The following TDP2 variants were observed in gnomAD, a reference collection of about 807,000 sequenced individuals.
TDP2 encodes the protein 5'-Tyr-DNA phosphodiesterase.
In TDP2, 38 loss-of-function variants were observed where a neutral mutation model predicts 42.8. The observed-to-expected ratio is 0.89, with a 90% CI of 0.68 to 1.16. TDP2 has a LOEUF of 1.16. Among genes scored for constraint, TDP2 ranks in the 50% most tolerant of loss-of-function variants. The pLI is 0.00. For missense variants in TDP2, 439 were observed against 439.3 expected, an observed-to-expected ratio of 1.00 and a Z score of 0.01; for synonymous variants, 173 against 150.6, an observed-to-expected ratio of 1.15 and a Z score of -1.09.
intron 6 of TDP2, 25 bp from the exon 7 acceptor site, chr6:24,651,094 A>C: frequency 6.4e-7 from 1 of 1,569,052 alleles, no homozygotes. Context: ...AATACTCTCT[A>C]AGATACACAT....
intron 2 of TDP2, among the ~76,000 whole-genome samples, chr6:24,660,726 A>G (rs2127618299): frequency 6.6e-6 from 1 of 152,324 alleles, no homozygotes; most frequent in Non-Finnish European, 1.5e-5. Flanking sequence ...GTCCTAATCT[A>G]GGATCACATG....
Position 24,666,863 on chromosome 6 carries a change from C to G in TDP2, c.-1G>C. 1 of 1,613,514 alleles carries G rather than the reference C, an allele frequency of 6.2e-7. No homozygotes were observed. On this transcript the variant is annotated 5_prime_UTR_variant, in exon 1 of 7. Coordinates refer to ENST00000378198, the MANE Select transcript of TDP2 (RefSeq NM_016614.3). Reference sequence around the variant, plus strand: ...CCTCCAGGCAACTCCCCAACTCCATCTTCCTGCCGCCTCTGCACCGCCCCT... The same window carrying G: ...CCTCCAGGCAACTCCCCAACTCCATGTTCCTGCCGCCTCTGCACCGCCCCT...
chr6:24,662,100 A>G lies in TDP2; in HGVS notation c.252-3366T>C, dbSNP rs150341875. On this transcript the variant is annotated intron_variant, in intron 2 of 6. Coordinates refer to ENST00000378198, the MANE Select transcript of TDP2 (RefSeq NM_016614.3). ...CCAGTCTCGAGTACCCAGGGACACA[A>G]TGCACTGCGGAAGGCCACATGGACC... Among the ~76,000 whole-genome samples, 947 of 152,244 alleles carry G rather than the reference A, an allele frequency of 6.2e-3. 5 individuals carry two copies. Among genetic ancestry groups the G allele is most frequent in the Middle Eastern group, 0.044 (13 of 294 alleles).
chr6:24,651,140 A>AG (rs1777968861), intron 6 of TDP2, 71 bp from the exon 7 acceptor site: 2 of 1,257,970 alleles, frequency 1.6e-6, no homozygotes, highest in African/African-American at 3.0e-5. Flanking sequence ...AAAAAAAAAA[A>AG]AGGTGTTTTT....
chr6:24,660,730 T>C (rs995982820), intron 2 of TDP2, among the ~76,000 whole-genome samples: 1 of 152,228 alleles, frequency 6.6e-6, no homozygotes, highest in African/African-American at 2.4e-5. Flanking sequence ...TAATCTAGGA[T>C]CACATGTTAT....
intron 4 of TDP2, among the ~76,000 whole-genome samples, chr6:24,657,089 A>C (rs912887623): frequency 2.6e-5 from 4 of 152,248 alleles, no homozygotes; most frequent in South Asian, 2.1e-4. Flanking sequence ...CACTTGAACA[A>C]CACAAGTGAA....
chr6:24,657,042 A>G (rs372903676), intron 4 of TDP2, among the ~76,000 whole-genome samples: 1 of 152,242 alleles, frequency 6.6e-6, no homozygotes, highest in East Asian at 1.9e-4. Flanking sequence ...CACATACTAT[A>G]TAAAAATGAA....
intron 6 of TDP2, among the ~76,000 whole-genome samples, chr6:24,652,688 T>G (rs1199050890): frequency 6.6e-6 from 1 of 152,170 alleles, no homozygotes; most frequent in Non-Finnish European, 1.5e-5. Flanking sequence ...TTCTAAACTC[T>G]TCTACAATCA....
At chr6:24,661,217 A>G (rs1778143211) in intron 2 of TDP2, among the ~76,000 whole-genome samples, 1 of 152,182 alleles carries the variant, frequency 6.6e-6, no homozygotes, top group African/African-American at 2.4e-5. Context: ...CTAATTCCTC[A>G]TGTCTTCCAC....
chr6:24,658,760 C>G (rs369149075), intron 2 of TDP2, 26 bp from the exon 3 acceptor site: 2 of 1,583,012 alleles, frequency 1.3e-6, no homozygotes, highest in African/African-American at 2.7e-5. Context: ...TAAAACATGG[C>G]TTTGCAAATA....
chr6:24,666,821 C>T lies in TDP2; in HGVS notation c.42G>A (p.Ala14=). ...GSCLEGGREA[A]EEEGEPEVKK... ...TCACCTCAGGCTCGCCCTCTTCCTC[C>T]GCCGCCTCCCTCCCGCCCTCCAGGC... is the stretch of plus-strand genomic sequence containing the variant. Residue 14 remains alanine, a synonymous_variant, in exon 1 of 7, where the codon GCG becomes GCA. Coordinates refer to ENST00000378198, the MANE Select transcript of TDP2 (RefSeq NM_016614.3). 6.2e-7 allele frequency: 1 copy of T among 1,614,188 alleles called. No homozygotes were observed. Among genetic ancestry groups the T allele is most frequent in the East Asian group, 2.2e-5 (1 of 44,876 alleles).
intron 5 of TDP2, 106 bp from the exon 6 acceptor site, chr6:24,653,259 C>A: frequency 2.5e-6 from 3 of 1,181,424 alleles, no homozygotes; most frequent in Non-Finnish European, 3.6e-6. Flanking sequence ...ATTTACTAAA[C>A]TGAAACTGTA....
chr6:24,666,626 C>T lies in TDP2; in HGVS notation c.166-15G>A, dbSNP rs1778247636. On this transcript the variant is annotated splice_polypyrimidine_tract_variant and intron_variant, in intron 1 of 6. Coordinates refer to ENST00000378198, the MANE Select transcript of TDP2 (RefSeq NM_016614.3). Reference sequence around the variant, plus strand: ...TTCAGAGCCCTCTGAAAAACAAAGGCACAAGGGATGAGGTTTGTGCGCTCC... The same window carrying T: ...TTCAGAGCCCTCTGAAAAACAAAGGTACAAGGGATGAGGTTTGTGCGCTCC... 1 of 1,614,106 alleles carries T rather than the reference C, an allele frequency of 6.2e-7. No homozygotes were observed. The highest frequency in any genetic ancestry group is 8.5e-7 in the Non-Finnish European group (1 of 1,180,036).
At chr6:24,651,111 T>G in intron 6 of TDP2, 42 bp from the exon 7 acceptor site, 1 of 1,443,178 alleles carries the variant, frequency 6.9e-7, no homozygotes, top group Non-Finnish European at 9.3e-7. Flanking sequence ...ACATAGCCTT[T>G]TGCCCACTAA....
chr6:24,666,857 C>A lies in TDP2; in HGVS notation c.6G>T (p.Glu2Asp), dbSNP rs201104912. Residue 2 changes from glutamate (E) to aspartate (D), a missense_variant, in exon 1 of 7, where the codon GAG becomes GAT. Transcript: ENST00000378198. ...TCCCGCCCTCCAGGCAACTCCCCAACTCCATCTTCCTGCCGCCTCTGCACC... is the reference window on the plus strand; with the variant it reads ...TCCCGCCCTCCAGGCAACTCCCCAAATCCATCTTCCTGCCGCCTCTGCACC... M[E>D]LGSCLEGGRE... 6.2e-7 allele frequency: 1 copy of A among 1,613,724 alleles called. No individual in the cohort carries two copies. The highest frequency in any genetic ancestry group is 1.3e-5 in the African/African-American group (1 of 75,078).
At position 24,650,759 on chromosome 6, in the gene TDP2, C is replaced by A; in HGVS notation, c.*29G>T. 6.3e-7 allele frequency: 1 copy of A among 1,599,784 alleles called. No individual in the cohort carries two copies. Among genetic ancestry groups the A allele is most frequent in the South Asian group, 1.1e-5 (1 of 89,576 alleles). On this transcript the variant is annotated 3_prime_UTR_variant, in exon 7 of 7. Transcript: ENST00000378198. Reference sequence around the variant, plus strand: ...AGGTGGAAATTGTATTTGCAACAATCAGGGCAAAACCCACACTTGAAAAGC... The same window carrying A: ...AGGTGGAAATTGTATTTGCAACAATAAGGGCAAAACCCACACTTGAAAAGC...
rs747947979 is a variant in TDP2 at position 24,658,680 on chromosome 6, T to C, written c.306A>G (p.Pro102=). 21 of 1,613,900 alleles carry C rather than the reference T, an allele frequency of 1.3e-5. No individual in the cohort carries two copies. Among genetic ancestry groups the C allele is most frequent in the Non-Finnish European group, 1.7e-5 (20 of 1,179,886 alleles). Residue 102 remains proline (P), a synonymous_variant, in exon 3 of 7, where the codon CCA becomes CCG. Coordinates refer to ENST00000378198, the MANE Select transcript of TDP2 (RefSeq NM_016614.3). ...CATTTTCTTGCTGAGTATCTTCAGA[T>C]GGGCTGATTTTAGAAGTGGTGGAAT... ...TTDSTTSKIS[P]SEDTQQENGS... is the part of the protein sequence containing the mutation.
chr6:24,665,234 G>C (rs1192783875), intron 2 of TDP2, among the ~76,000 whole-genome samples: 1 of 152,288 alleles, frequency 6.6e-6, no homozygotes, highest in South Asian at 2.1e-4. Context: ...ATCCTCACAG[G>C]TGCTAAGTTA....
At chr6:24,665,903 A>G in intron 2 of TDP2, 1 of 509,330 alleles carries the variant, frequency 2.0e-6, no homozygotes, top group East Asian at 3.5e-5. Context: ...GGTAATAAAG[A>G]TCTTTACGAA....
Sources: gnomAD v4.1 joint callset for allele counts (sites outside exome capture counted in the v4.1 genomes callset) on GRCh38, gnomAD v4.1.1 for gene constraint, MANE v1.5 for transcripts, NCBI Gene and HGNC (gene_info 2026-07-23, HGNC 2026-07-21) for gene names.